CYTH3: variants seen among roughly 807,000 people sequenced by gnomAD.
The protein encoded by CYTH3 is cytohesin-3.
CYTH3 carries 23 observed loss-of-function variants against 55.1 expected under a neutral mutation model. The observed-to-expected ratio is 0.42, with a 90% confidence interval of 0.30 to 0.59. CYTH3 has a LOEUF of 0.59. Ranked by LOEUF, CYTH3 falls within the 20% of genes least tolerant of loss-of-function variation. The pLI, the probability that CYTH3 is intolerant of heterozygous loss-of-function variation, is 0.20. For missense variants in CYTH3, 413 were observed against 524.8 expected (o/e 0.79, Z 2.08); for synonymous variants, 249 against 194.9 (o/e 1.28, Z -2.31).
chr7:6,224,032 A>G (rs1013655605), intron 1 of CYTH3, among the ~76,000 whole-genome samples: 3 of 152,034 alleles, frequency 2.0e-5, no homozygotes, highest in African/African-American at 7.2e-5. Flanking sequence ...TCCTATTCAC[A>G]TATTTTTCCA....
chr7:6,259,606 G>C (rs767449555), intron 1 of CYTH3, among the ~76,000 whole-genome samples: 1 of 148,102 alleles, frequency 6.8e-6, no homozygotes, highest in Non-Finnish European at 1.5e-5. Flanking sequence ...ATGTTAATTG[G>C]GTACCTGACA....
chr7:6,195,962 T>C (rs1783914656), intron 1 of CYTH3, among the ~76,000 whole-genome samples: 1 of 152,162 alleles, frequency 6.6e-6, no homozygotes, highest in Non-Finnish European at 1.5e-5. Context: ...TGCTATTGGG[T>C]GGTCTGGTAG....
chr7:6,204,007 G>A (rs528691516), intron 1 of CYTH3, among the ~76,000 whole-genome samples: 7 of 150,630 alleles, frequency 4.6e-5, no homozygotes, highest in East Asian at 1.9e-4. Context: ...GTTAGCCACC[G>A]CACTCAGCTT....
At chr7:6,260,078 C>A (rs552719797) in intron 1 of CYTH3, among the ~76,000 whole-genome samples, 1 of 150,976 alleles carries the variant, frequency 6.6e-6, no homozygotes, top group Non-Finnish European at 1.5e-5. Context: ...ATCCACCCTC[C>A]TCGGCCTCCC....
At chr7:6,179,654 C>A (rs1171822586) in intron 4 of CYTH3, among the ~76,000 whole-genome samples, 1 of 113,620 alleles carries the variant, frequency 8.8e-6, no homozygotes, top group East Asian at 2.6e-4. Flanking sequence ...ACCCCACACC[C>A]CACACACACC....
chr7:6,198,855 C>A (rs953424008), intron 1 of CYTH3, among the ~76,000 whole-genome samples: 3 of 151,950 alleles, frequency 2.0e-5, no homozygotes, highest in African/African-American at 7.3e-5. Context: ...GCACCCACCA[C>A]GAGCTTCCCT....
rs147341117 is a variant in CYTH3 at position 6,271,367 on chromosome 7, A to G, written c.34+1107T>C. Reference sequence around the variant, plus strand: ...CATCCTGAAGCATTCAATACTGCTGATTCTTACAGGCAGCTGCACCGGCAG... The same window carrying G: ...CATCCTGAAGCATTCAATACTGCTGGTTCTTACAGGCAGCTGCACCGGCAG... On this transcript the variant is annotated intron_variant, in intron 1 of 12. Transcript: ENST00000350796. Among the ~76,000 whole-genome samples, 143 of 152,268 alleles carry G rather than the reference A, an allele frequency of 9.4e-4. 1 individual carries two copies. Among genetic ancestry groups the G allele is most frequent in the Admixed American group, 1.4e-3 (21 of 15,302 alleles).
Position 6,190,430 on chromosome 7 carries a change from T to TG in CYTH3, c.117+18_117+19insC. 5.9e-6 allele frequency: 3 copies of TG among 512,358 alleles called. No individual in the cohort carries two copies. The highest frequency in any genetic ancestry group is 3.8e-5 in the South Asian group (1 of 26,178). 31.7% of individuals were successfully genotyped at this position (512,358 alleles called of 1,614,324 possible). ...AAAAACAGAGTTTTGGATTTTTGGTTTTTTTTTTTTTTTTTTACCTCAATG... is the reference window on the plus strand; with the variant it reads ...AAAAACAGAGTTTTGGATTTTTGGTTGTTTTTTTTTTTTTTTTACCTCAATG... On this transcript the variant is annotated intron_variant, in intron 2 of 12. Transcript: ENST00000350796.
In CYTH3 at chr7:6,163,179, A is replaced by ACAT. The variant is rs1201929557; in HGVS notation, c.*1762_*1764dup. The ACAT allele has an allele frequency of 6.6e-6, 1 of 152,620 alleles. No individual in the cohort carries two copies. Among genetic ancestry groups the ACAT allele is most frequent in the African/African-American group, 2.4e-5 (1 of 41,488 alleles). 9.5% of individuals were successfully genotyped at this position (152,620 alleles called of 1,614,324 possible). Reference sequence around the variant, plus strand: ...CTGCAGTCTAGTGTGACTTAAAGCTACATCAAGGTCAGCCGCAGGGAGGCG... The same window carrying ACAT: ...CTGCAGTCTAGTGTGACTTAAAGCTACATCATCAAGGTCAGCCGCAGGGAGGCG... On this transcript the variant is annotated 3_prime_UTR_variant, in exon 13 of 13. Transcript: ENST00000350796.
chr7:6,236,922 T>G (rs922313468), intron 1 of CYTH3, among the ~76,000 whole-genome samples: 2 of 152,212 alleles, frequency 1.3e-5, no homozygotes, highest in Non-Finnish European at 2.9e-5. Context: ...CAAAGAGATT[T>G]TCAAAATTTA....
intron 1 of CYTH3, among the ~76,000 whole-genome samples, chr7:6,201,962 T>G (rs963456819): frequency 6.6e-6 from 1 of 152,064 alleles, no homozygotes; most frequent in Non-Finnish European, 1.5e-5. Context: ...ATGCAAAATA[T>G]TGGGTGCAGG....
Position 6,169,241 on chromosome 7 carries a change from G to C in CYTH3, c.823+1294C>G, listed in dbSNP as rs544565312. Among the ~76,000 whole-genome samples the C allele has an allele frequency of 2.5e-4, 38 of 152,228 alleles. No homozygotes were observed. The highest frequency in any genetic ancestry group is 9.1e-4 in the African/African-American group (38 of 41,542). ...CCTTCCTTGATGTTTATTTTTTTGA[G>C]ACGAGGTCTCACTCTGTCGCCGAGG... On this transcript the variant is annotated intron_variant, in intron 9 of 12. Transcript: ENST00000350796. The surrounding 1 kb of genome is among the most constrained non-coding windows in gnomAD (Gnocchi z 4.1).
At chr7:6,218,047 G>A (rs1784465077) in intron 1 of CYTH3, among the ~76,000 whole-genome samples, 1 of 152,054 alleles carries the variant, frequency 6.6e-6, no homozygotes, top group Non-Finnish European at 1.5e-5. Context: ...GCCAGGTATG[G>A]TGGTGTGCAC....
intron 1 of CYTH3, among the ~76,000 whole-genome samples, chr7:6,244,584 C>G (rs1779756676): frequency 2.0e-5 from 3 of 152,174 alleles, no homozygotes; most frequent in Non-Finnish European, 4.4e-5. Context: ...CCTGCCTCAG[C>G]CTCCTGAGTA....
chr7:6,164,960 A>G lies in CYTH3; in HGVS notation c.1184T>C (p.Ile395Thr). ...CCAGGAAAGCTATTTTTTATTGGCA[A>G]TCCTTCGTTTCCTCGTTGCCAACAT... is the stretch of plus-strand genomic sequence containing the variant. ...YDMLATRKRR[I>T]ANKK The change falls in exon 13 of 13, where the codon ATT becomes ACT. Residue 395 changes from isoleucine (I) to threonine (T), a missense_variant. Ile to Thr is a moderately conservative substitution (Grantham distance 89). Coordinates refer to ENST00000350796, the MANE Select transcript of CYTH3 (RefSeq NM_004227.4). 2.5e-6 allele frequency: 4 copies of G among 1,614,194 alleles called. No individual in the cohort carries two copies. The highest frequency in any genetic ancestry group is 1.6e-4 in the Middle Eastern group (1 of 6,062).
intron 1 of CYTH3, among the ~76,000 whole-genome samples, chr7:6,270,331 A>G (rs1305655432): frequency 6.6e-6 from 1 of 152,236 alleles, no homozygotes; most frequent in Non-Finnish European, 1.5e-5. Context: ...AAACTAAATC[A>G]ATAAAGGTTA....
At chr7:6,258,457 T>G (rs1013864333) in intron 1 of CYTH3, among the ~76,000 whole-genome samples, 1 of 152,202 alleles carries the variant, frequency 6.6e-6, no homozygotes, top group Non-Finnish European at 1.5e-5. Context: ...CACTTATGGA[T>G]AAGGAAAGAG....
chr7:6,171,361 G>T lies in CYTH3; in HGVS notation c.450-47C>A. On this transcript the variant is annotated intron_variant, in intron 6 of 12. Coordinates refer to ENST00000350796, the MANE Select transcript of CYTH3 (RefSeq NM_004227.4). This position sits in a 1 kb window ranked among gnomAD's most constrained non-coding sequence, Gnocchi z 6.7. ...GGGAAGCCGCATCAGAACCAACACC[G>T]CCTCACGGCCAAGGGCGGCTTCTGC... 1 of 1,579,432 alleles carries T rather than the reference G, an allele frequency of 6.3e-7. No individual in the cohort carries two copies.
Position 6,164,756 on chromosome 7 carries a change from C to A in CYTH3, c.*188G>T. The A allele has an allele frequency of 1.5e-6, 1 of 689,262 alleles. No homozygotes were observed. The highest frequency in any genetic ancestry group is 2.3e-5 in the Admixed American group (1 of 43,118). The allele number at this position is 689,262 out of a possible 1,614,324, so 42.7% of individuals were successfully genotyped here. ...TGGAGCAGCAGCTTGCACTGCAGGGCGACCACCTCCCAGGACCCCAGCCAC... is the reference window on the plus strand; with the variant it reads ...TGGAGCAGCAGCTTGCACTGCAGGGAGACCACCTCCCAGGACCCCAGCCAC... On this transcript the variant is annotated 3_prime_UTR_variant, in exon 13 of 13. Transcript: ENST00000350796.
Sources: allele counts gnomAD v4.1 joint callset (sites outside exome capture counted in the v4.1 genomes callset), GRCh38; gene constraint gnomAD v4.1.1; non-coding constraint Gnocchi (gnomAD v3.1); transcripts MANE v1.5; gene names NCBI Gene and HGNC (gene_info 2026-07-23, HGNC 2026-07-21).